The following SLCO5A1 variants were observed in gnomAD, a reference collection of about 807,000 sequenced individuals.
SLCO5A1 encodes organic anion transporter polypeptide-related protein 4.
Under a neutral mutation model 65.1 loss-of-function variants are expected in SLCO5A1, and 39 were observed. That is an observed-to-expected ratio of 0.60 (90% confidence interval 0.46 to 0.78). SLCO5A1 has a LOEUF of 0.78. Ranked by LOEUF, SLCO5A1 falls within the 30% of genes least tolerant of loss-of-function variation. The pLI, the probability that SLCO5A1 is intolerant of heterozygous loss-of-function variation, is 0.00. For missense variants in SLCO5A1, 1,029 were observed against 1,069.4 expected, an observed-to-expected ratio of 0.96 and a Z score of 0.53; for synonymous variants, 438 against 415.7, an observed-to-expected ratio of 1.05 and a Z score of -0.65.
In SLCO5A1 at chr8:69,667,228, A is replaced by G. The variant is rs770608359; in HGVS notation, c.*5641T>C. 2.1e-4 allele frequency: 32 copies of G among 152,164 alleles called. No individual in the cohort carries two copies. Among genetic ancestry groups the G allele is most frequent in the Middle Eastern group, 3.2e-3 (1 of 316 alleles). 9.4% of individuals were successfully genotyped at this position (152,164 alleles called of 1,614,324 possible). ...ATGAATATCATTTTAAAAATCACAA[A>G]ATCAAACTTCTTTATGCAACAGTGC... On this transcript the variant is annotated 3_prime_UTR_variant, in exon 10 of 10. Transcript: ENST00000260126.
chr8:69,758,805 A>T (rs1817634391), intron 3 of SLCO5A1, among the ~76,000 whole-genome samples: 1 of 152,130 alleles, frequency 6.6e-6, no homozygotes, highest in Non-Finnish European at 1.5e-5. Context: ...AAAAAGACAC[A>T]TCAATAACAG....
At chr8:69,763,614 C>CAAAAAAAAA (rs770191440) in intron 2 of SLCO5A1, among the ~76,000 whole-genome samples, 1 of 13,160 alleles carries the variant, frequency 7.6e-5, no homozygotes, top group Non-Finnish European at 1.6e-4. Context: ...AGCAAGACTC[C>CAAAAAAAAA]AAAAAAAAAA....
intron 6 of SLCO5A1, among the ~76,000 whole-genome samples, chr8:69,689,749 G>T (rs1403656666): frequency 6.6e-6 from 1 of 150,382 alleles, no homozygotes; most frequent in Admixed American, 6.6e-5. Flanking sequence ...TAGGCTTGTA[G>T]TATAGTTTGA....
intron 3 of SLCO5A1, among the ~76,000 whole-genome samples, chr8:69,758,530 C>G (rs1284960226): frequency 6.6e-6 from 1 of 151,990 alleles, no homozygotes; most frequent in Non-Finnish European, 1.5e-5. Context: ...CCAGCCCCAG[C>G]CATTAACTTA....
At chr8:69,734,107 G>A (rs1358477660) in intron 5 of SLCO5A1, among the ~76,000 whole-genome samples, 1 of 152,112 alleles carries the variant, frequency 6.6e-6, no homozygotes, top group African/African-American at 2.4e-5. Flanking sequence ...TCAGACATTG[G>A]TGTCACCACC....
intron 2 of SLCO5A1, among the ~76,000 whole-genome samples, chr8:69,820,712 T>A (rs1820596783): frequency 6.6e-6 from 1 of 151,988 alleles, no homozygotes; most frequent in Non-Finnish European, 1.5e-5. Flanking sequence ...AAAAAAATAT[T>A]TTTCCGTACA....
rs535770871 is a variant in SLCO5A1 at position 69,688,787 on chromosome 8, G to A, written c.1623-6444C>T. Among the ~76,000 whole-genome samples the A allele has an allele frequency of 6.1e-3, 924 of 152,148 alleles. 16 individuals carry two copies. Among genetic ancestry groups the A allele is most frequent in the African/African-American group, 0.021 (868 of 41,478 alleles). ...AGTCTTTGCTATTGTGAATAGTCCC[G>A]CAATAAACATACGTGTGCATGTGTC... On this transcript the variant is annotated intron_variant, in intron 6 of 9. Coordinates refer to ENST00000260126, the MANE Select transcript of SLCO5A1 (RefSeq NM_030958.3).
At chr8:69,831,277 AAAG>A (rs1821139390) in intron 2 of SLCO5A1, among the ~76,000 whole-genome samples, 1 of 152,082 alleles carries the variant, frequency 6.6e-6, no homozygotes, top group South Asian at 2.1e-4. Flanking sequence ...AAAAAAAAAA[AAAG>A]AAAAGAAACA....
At chr8:69,758,719 C>T (rs1817631746) in intron 3 of SLCO5A1, among the ~76,000 whole-genome samples, 1 of 152,126 alleles carries the variant, frequency 6.6e-6, no homozygotes, top group African/African-American at 2.4e-5. Flanking sequence ...AACATCGATA[C>T]AACACATCAT....
intron 2 of SLCO5A1, among the ~76,000 whole-genome samples, chr8:69,780,523 A>C (rs972802823): frequency 1.3e-5 from 2 of 152,232 alleles, no homozygotes; most frequent in African/African-American, 4.8e-5. Context: ...ACTGGAGTCC[A>C]TTATCCTAAG....
At chr8:69,796,000 T>C (rs1819477661) in intron 2 of SLCO5A1, among the ~76,000 whole-genome samples, 1 of 152,144 alleles carries the variant, frequency 6.6e-6, no homozygotes, top group Non-Finnish European at 1.5e-5. Context: ...ATGGCTGAAG[T>C]TGGAGCAGCC....
chr8:69,820,990 C>T (rs145204056), intron 2 of SLCO5A1, among the ~76,000 whole-genome samples: 141 of 152,282 alleles, frequency 9.3e-4, no homozygotes, highest in African/African-American at 3.4e-3. Flanking sequence ...AACTAAAATA[C>T]AATTTTTCTG....
intron 4 of SLCO5A1, among the ~76,000 whole-genome samples, chr8:69,751,569 C>T (rs541107462): frequency 9.1e-4 from 136 of 149,256 alleles, no homozygotes; most frequent in African/African-American, 3.1e-3. Flanking sequence ...TTTCGTGAGA[C>T]GCAGTCTTGC....
At position 69,781,845 on chromosome 8, in the gene SLCO5A1, C is replaced by T. The variant is rs573257308; in HGVS notation, c.908-19970G>A. On this transcript the variant is annotated intron_variant, in intron 2 of 9. Coordinates refer to ENST00000260126, the MANE Select transcript of SLCO5A1 (RefSeq NM_030958.3). ...GCTCATTTTGTATTTTTAGTAGAGACGGGGTTTCTCCATGTTGGTCAGGCT... is the reference window on the plus strand; with the variant it reads ...GCTCATTTTGTATTTTTAGTAGAGATGGGGTTTCTCCATGTTGGTCAGGCT... Among the ~76,000 whole-genome samples the T allele has an allele frequency of 4.8e-4, 73 of 151,912 alleles. 1 individual carries two copies. Among genetic ancestry groups the T allele is most frequent in the East Asian group, 3.7e-3 (19 of 5,154 alleles).
chr8:69,674,609 C>T (rs1813470342), intron 9 of SLCO5A1, among the ~76,000 whole-genome samples: 1 of 152,098 alleles, frequency 6.6e-6, no homozygotes, highest in Non-Finnish European at 1.5e-5. Context: ...CTGAAATGTT[C>T]TCCCTCCACT....
chr8:69,732,886 TAA>T (rs879687254), intron 5 of SLCO5A1, among the ~76,000 whole-genome samples: 4 of 144,210 alleles, frequency 2.8e-5, no homozygotes, highest in Admixed American at 6.9e-5. Flanking sequence ...AGACTCCGTC[TAA>T]AAAAAAAAAA....
chr8:69,696,113 CA>C (rs1202951014), intron 6 of SLCO5A1, among the ~76,000 whole-genome samples: 2 of 152,124 alleles, frequency 1.3e-5, no homozygotes, highest in Non-Finnish European at 2.9e-5. Flanking sequence ...AGCCCAGCAG[CA>C]GTTGATTCAG....
intron 2 of SLCO5A1, among the ~76,000 whole-genome samples, chr8:69,762,087 T>C (rs1225819382): frequency 1.3e-5 from 2 of 152,212 alleles, no homozygotes; most frequent in South Asian, 2.1e-4. Flanking sequence ...GTAAGAATCA[T>C]TGGGAGAGCT....
intron 6 of SLCO5A1, among the ~76,000 whole-genome samples, chr8:69,696,763 A>T (rs1261842827): frequency 6.6e-6 from 1 of 152,244 alleles, no homozygotes; most frequent in East Asian, 1.9e-4. Flanking sequence ...AAATGATAAA[A>T]TGCAAGGCAT....
Sources: gnomAD v4.1 joint callset for allele counts (sites outside exome capture counted in the v4.1 genomes callset) on GRCh38, gnomAD v4.1.1 for gene constraint, MANE v1.5 for transcripts, NCBI Gene and HGNC (gene_info 2026-07-23, HGNC 2026-07-21) for gene names.